Variants in ADAMTSL1 observed in about 807,000 individuals in gnomAD.
ADAMTSL1 encodes ADAMTS like 1.
Under a neutral mutation model 201.8 loss-of-function variants are expected in ADAMTSL1, and 126 were observed. That is an observed-to-expected ratio of 0.62 (90% CI 0.54 to 0.72). ADAMTSL1 has a LOEUF of 0.72. Ranked by LOEUF, ADAMTSL1 falls within the 30% of genes least tolerant of loss-of-function variation. The pLI is 0.00. For synonymous variants in ADAMTSL1, 1,121 were observed against 903.4 expected (o/e 1.24, Z -4.32); for missense variants, 2,679 against 2,277.8 (o/e 1.18, Z -3.59).
At chr9:17,950,440 A>G (rs1021937459) in intron 1 of ADAMTSL1, among the ~76,000 whole-genome samples, 1 of 151,952 alleles carries the variant, frequency 6.6e-6, no homozygotes, top group African/African-American at 2.4e-5. Context: ...AGAAATTTCT[A>G]CTGTGAATTT....
chr9:17,993,484 T>A (rs2131506484), intron 1 of ADAMTSL1, among the ~76,000 whole-genome samples: 1 of 152,192 alleles, frequency 6.6e-6, no homozygotes, highest in African/African-American at 2.4e-5. Context: ...AAATAGAAAT[T>A]CTTTGGCTAT....
chr9:17,969,267 G>A (rs1249579840), intron 1 of ADAMTSL1, among the ~76,000 whole-genome samples: 1 of 152,050 alleles, frequency 6.6e-6, no homozygotes, highest in African/African-American at 2.4e-5. Flanking sequence ...ATAGGAAGAA[G>A]ATGTGATATT....
intron 2 of ADAMTSL1, among the ~76,000 whole-genome samples, chr9:18,273,557 C>T (rs2132591688): frequency 6.6e-6 from 1 of 152,278 alleles, no homozygotes; most frequent in Non-Finnish European, 1.5e-5. Context: ...CTGCAGGCCC[C>T]CTGGTTACAT....
At chr9:18,088,528 T>C (rs931030444) in intron 1 of ADAMTSL1, among the ~76,000 whole-genome samples, 1 of 152,114 alleles carries the variant, frequency 6.6e-6, no homozygotes, top group Non-Finnish European at 1.5e-5. Context: ...TACAACTCAA[T>C]AGCAAAAAGC....
intron 22 of ADAMTSL1, among the ~76,000 whole-genome samples, chr9:18,828,670 A>ATG: frequency 1.2e-5 from 1 of 81,440 alleles, no homozygotes. Flanking sequence ...TTATATATAT[A>ATG]TATATATATA....
rs1829352882 is a variant in ADAMTSL1 at position 18,892,592 on chromosome 9, G to A, written c.4847G>A (p.Gly1616Asp). ...LCVEWAFSSW[G>D]QCNGPCIGPH... ...GTGGAGTGGGCCTTCTCCAGCTGGG[G>A]CCAGGTGAGGAGCCAGAGAGGTTGT... The change falls in exon 26 of 29, where the codon GGC (glycine) becomes GAC (aspartate). Residue 1616 changes from glycine to aspartate, a missense_variant. Transcript: ENST00000380548. 5 of 1,558,038 alleles carry A rather than the reference G, an allele frequency of 3.2e-6. No homozygotes were observed. Among genetic ancestry groups the A allele is most frequent in the Middle Eastern group, 1.7e-4 (1 of 6,000 alleles).
At chr9:18,298,571 T>C (rs1212414210) in intron 2 of ADAMTSL1, among the ~76,000 whole-genome samples, 1 of 152,018 alleles carries the variant, frequency 6.6e-6, no homozygotes, top group Admixed American at 6.6e-5. Flanking sequence ...TATTCAGTGC[T>C]TATTGTGAGC....
At chr9:18,609,898 G>T (rs1262760826) in intron 4 of ADAMTSL1, among the ~76,000 whole-genome samples, 2 of 152,154 alleles carry the variant, frequency 1.3e-5, no homozygotes, top group South Asian at 4.1e-4. Context: ...ATATAAAATA[G>T]GTTGGATTAT....
intron 2 of ADAMTSL1, among the ~76,000 whole-genome samples, chr9:18,358,775 T>C (rs549847261): frequency 6.6e-6 from 1 of 152,362 alleles, no homozygotes; most frequent in South Asian, 2.1e-4. Context: ...CCATTCATTG[T>C]TTGATAGACA....
chr9:18,010,440 G>C (rs530662050), intron 1 of ADAMTSL1, among the ~76,000 whole-genome samples: 1 of 152,146 alleles, frequency 6.6e-6, no homozygotes, highest in East Asian at 1.9e-4. Context: ...ATAAAGGATT[G>C]AAGAACAAAT....
intron 1 of ADAMTSL1, among the ~76,000 whole-genome samples, chr9:18,065,907 G>A (rs555312715): frequency 6.7e-6 from 1 of 149,488 alleles, no homozygotes; most frequent in Non-Finnish European, 1.5e-5. Flanking sequence ...CTTGAACCTG[G>A]GAGGCGGAGG....
At chr9:18,881,604 T>C (rs539195734) in intron 23 of ADAMTSL1, among the ~76,000 whole-genome samples, 1 of 152,274 alleles carries the variant, frequency 6.6e-6, no homozygotes, top group Non-Finnish European at 1.5e-5. Context: ...CCGTAACAGA[T>C]AATAATGAAA....
chr9:18,005,151 G>A lies in ADAMTSL1; in HGVS notation c.87+98229G>A, dbSNP rs140336887. On this transcript the variant is annotated intron_variant, in intron 1 of 29. Coordinates refer to the ADAMTSL1 transcript ENST00000680146. The stretch of plus-strand genomic sequence containing the variant: ...CATAACTGAGTTTATAGAATATCAT[G>A]GAAAGCTTCTTAGGAGAAGTCACAC... Among the ~76,000 whole-genome samples, 885 of 152,178 alleles carry A rather than the reference G, an allele frequency of 5.8e-3. 11 individuals are homozygous for A. Among genetic ancestry groups the A allele is most frequent in the African/African-American group, 0.02 (844 of 41,568 alleles).
chr9:18,264,075 A>C (rs1030421979), intron 2 of ADAMTSL1, among the ~76,000 whole-genome samples: 22 of 152,098 alleles, frequency 1.4e-4, no homozygotes, highest in African/African-American at 4.3e-4. Flanking sequence ...TACCTCCTAC[A>C]TTCTGTTGTC....
intron 1 of ADAMTSL1, among the ~76,000 whole-genome samples, chr9:17,996,407 A>G (rs960494777): frequency 6.6e-6 from 1 of 152,110 alleles, no homozygotes; most frequent in Non-Finnish European, 1.5e-5. Flanking sequence ...AGGTGAGGGT[A>G]AGACTGAGCT....
At position 18,681,701 on chromosome 9, in the gene ADAMTSL1, G is replaced by GGC. The variant is rs1554728678; in HGVS notation, c.1342-110_1342-109insCG. 134 of 470,204 alleles carry GGC rather than the reference G, an allele frequency of 2.8e-4. 10 individuals are homozygous for GGC. In the South Asian group the frequency reaches 3.9e-3, roughly 14 times the overall value. 29.1% of individuals were successfully genotyped at this position (470,204 alleles called of 1,614,324 possible). A position where few individuals can be genotyped will look rare whatever the true frequency, so the allele number is the denominator to read the frequency against. ...AATTTACCAGGAGTCCTCGTGTGGG[G>GGC]GGGGGGGGCGGGGAAAAAGAAAACT... On this transcript the variant is annotated intron_variant, in intron 11 of 28. Transcript: ENST00000380548.
chr9:18,562,826 A>G (rs1821613050), intron 3 of ADAMTSL1, among the ~76,000 whole-genome samples: 1 of 152,122 alleles, frequency 6.6e-6, no homozygotes, highest in African/African-American at 2.4e-5. Context: ...ATGCTTGTGT[A>G]TGCTTCACAA....
chr9:18,093,569 A>G (rs995964708), intron 1 of ADAMTSL1, among the ~76,000 whole-genome samples: 30 of 152,214 alleles, frequency 2.0e-4, no homozygotes, highest in African/African-American at 7.0e-4. Context: ...TCTATTCCTC[A>G]TATCAGTAAG....
chr9:18,856,189 G>C (rs116937467), intron 23 of ADAMTSL1, among the ~76,000 whole-genome samples: 1,843 of 152,194 alleles, frequency 0.012, 25 homozygotes, highest in Middle Eastern at 0.041. Flanking sequence ...TATAACTGCC[G>C]AGATAAAAAT....
Sources: allele counts gnomAD v4.1 joint callset (sites outside exome capture counted in the v4.1 genomes callset), GRCh38; gene constraint gnomAD v4.1.1; transcripts MANE v1.5; gene names NCBI Gene and HGNC (gene_info 2026-07-23, HGNC 2026-07-21).